The following ERBB4 variants were observed in gnomAD, a reference collection of about 807,000 sequenced individuals.
The protein encoded by ERBB4 is erb-b2 receptor tyrosine kinase 4.
In ERBB4, 42 loss-of-function variants were observed where a neutral mutation model predicts 158.0. The observed-to-expected ratio is 0.27, with a 90% CI of 0.21 to 0.34. The LOEUF is 0.34. ERBB4 is among the 10% of genes least tolerant of loss of function. ERBB4 has a pLI of 1.00. For synonymous variants in ERBB4, 583 were observed against 558.7 expected (o/e 1.04, Z -0.61); for missense variants, 1,333 against 1,624.1 (o/e 0.82, Z 3.08).
chr2:211,654,095 G>T (rs1161900062), intron 16 of ERBB4, among the ~76,000 whole-genome samples: 2 of 152,154 alleles, frequency 1.3e-5, no homozygotes, highest in Admixed American at 1.3e-4. Flanking sequence ...TTAGCGCTCT[G>T]CTTTCAGTGA....
intron 3 of ERBB4, among the ~76,000 whole-genome samples, chr2:211,936,763 T>C (rs149940885): frequency 2.2e-4 from 33 of 152,214 alleles, no homozygotes; most frequent in African/African-American, 7.7e-4. Flanking sequence ...CTTTTCCCCG[T>C]AGAAGTGATA....
At chr2:211,591,815 A>C (rs1194039374) in intron 19 of ERBB4, among the ~76,000 whole-genome samples, 2 of 152,200 alleles carry the variant, frequency 1.3e-5, no homozygotes, top group Non-Finnish European at 2.9e-5. Context: ...TCCTGCCTGA[A>C]ATATAAAAAC....
chr2:211,596,200 C>T (rs1212893014), intron 19 of ERBB4, among the ~76,000 whole-genome samples: 2 of 150,864 alleles, frequency 1.3e-5, no homozygotes, highest in African/African-American at 4.9e-5. Flanking sequence ...GATGTTAATG[C>T]AATTATAGAC....
intron 20 of ERBB4, among the ~76,000 whole-genome samples, chr2:211,500,656 G>A (rs1457690218): frequency 6.6e-6 from 1 of 152,010 alleles, no homozygotes; most frequent in Middle Eastern, 3.2e-3. Flanking sequence ...CACAGTTGTT[G>A]AGAATAAGAA....
chr2:211,384,752 G>T (rs1328480933), intron 27 of ERBB4, among the ~76,000 whole-genome samples: 1 of 151,936 alleles, frequency 6.6e-6, no homozygotes, highest in African/African-American at 2.4e-5. Flanking sequence ...TATTTCCATT[G>T]ACCAATCATA....
chr2:212,032,830 G>C (rs1227920800), intron 2 of ERBB4, among the ~76,000 whole-genome samples: 1 of 151,638 alleles, frequency 6.6e-6, no homozygotes, highest in Non-Finnish European at 1.5e-5. Flanking sequence ...GAAATTATAG[G>C]AAGAAATATT....
intron 1 of ERBB4, among the ~76,000 whole-genome samples, chr2:212,476,121 A>C (rs1376903860): frequency 6.7e-6 from 1 of 149,522 alleles, no homozygotes; most frequent in Admixed American, 6.7e-5. Context: ...TCCCCACCAA[A>C]CACACATACA....
At chr2:211,577,343 A>T (rs1439017043) in intron 19 of ERBB4, among the ~76,000 whole-genome samples, 1 of 152,160 alleles carries the variant, frequency 6.6e-6, no homozygotes, top group Non-Finnish European at 1.5e-5. Flanking sequence ...TATTGTAAGC[A>T]AAATGGGGAT....
At chr2:211,889,511 C>T (rs550457846) in intron 3 of ERBB4, among the ~76,000 whole-genome samples, 11 of 151,910 alleles carry the variant, frequency 7.2e-5, no homozygotes, top group African/African-American at 9.7e-5. Flanking sequence ...TCCAAAGGAA[C>T]GCAGCTCCTC....
intron 2 of ERBB4, among the ~76,000 whole-genome samples, chr2:212,122,482 A>T (rs1263776992): frequency 6.6e-6 from 1 of 152,162 alleles, no homozygotes; most frequent in Non-Finnish European, 1.5e-5. Flanking sequence ...GGATTAGTAC[A>T]AAGTTTAGAT....
chr2:212,036,135 C>T (rs2077006097), intron 2 of ERBB4, among the ~76,000 whole-genome samples: 1 of 152,092 alleles, frequency 6.6e-6, no homozygotes, highest in African/African-American at 2.4e-5. Context: ...GGATGAGTCA[C>T]CTTTATCAAC....
At chr2:211,408,602 T>C (rs900819156) in intron 25 of ERBB4, among the ~76,000 whole-genome samples, 2 of 152,198 alleles carry the variant, frequency 1.3e-5, no homozygotes, top group African/African-American at 4.8e-5. Context: ...TGTAGAAACA[T>C]GTTTGGCAGC....
intron 1 of ERBB4, among the ~76,000 whole-genome samples, chr2:212,132,206 A>G (rs918935902): frequency 3.3e-5 from 5 of 152,196 alleles, no homozygotes; most frequent in Non-Finnish European, 7.3e-5. Context: ...GGTTATAGGC[A>G]TAATAGTTGT....
Position 211,376,953 on chromosome 2 carries a change from C to T in ERBB4, c.*6662G>A, listed in dbSNP as rs1405926172. On this transcript the variant is annotated 3_prime_UTR_variant, in exon 28 of 28. Transcript: ENST00000342788. ...TCACACAGCTGCTCCGTTTAATAAT[C>T]GACCCATTTAACAGCAGTACCAGTT... The T allele has an allele frequency of 4.3e-5, 10 of 233,158 alleles. No individual in the cohort carries two copies. The highest frequency in any genetic ancestry group is 1.2e-3 in the Middle Eastern group (1 of 808). 14.4% of individuals were successfully genotyped at this position (233,158 alleles called of 1,614,324 possible). A position where few individuals can be genotyped will look rare whatever the true frequency, so the allele number is the denominator to read the frequency against.
chr2:211,875,854 T>A (rs2078485376), intron 3 of ERBB4, among the ~76,000 whole-genome samples: 2 of 152,216 alleles, frequency 1.3e-5, no homozygotes, highest in South Asian at 4.1e-4. Flanking sequence ...TACATTTTGT[T>A]ACAATTGCTT....
At chr2:212,102,036 C>A (rs765074665) in intron 2 of ERBB4, among the ~76,000 whole-genome samples, 1 of 142,244 alleles carries the variant, frequency 7.0e-6, no homozygotes, top group Non-Finnish European at 1.5e-5. Flanking sequence ...TTCCCTTGAA[C>A]TTGTCCTTAT....
chr2:211,864,624 A>C (rs576393071), intron 3 of ERBB4, among the ~76,000 whole-genome samples: 52 of 152,220 alleles, frequency 3.4e-4, no homozygotes, highest in Non-Finnish European at 6.0e-4. Flanking sequence ...ATAATCATAC[A>C]TACAGTGAAT....
intron 3 of ERBB4, among the ~76,000 whole-genome samples, chr2:211,810,771 C>T (rs1371333237): frequency 6.9e-6 from 1 of 145,730 alleles, no homozygotes; most frequent in Non-Finnish European, 1.5e-5. Context: ...TTCCCGGGTT[C>T]ACGCCATTCT....
intron 3 of ERBB4, among the ~76,000 whole-genome samples, chr2:211,901,173 A>C (rs1165001952): frequency 2.0e-5 from 3 of 152,160 alleles, no homozygotes; most frequent in Non-Finnish European, 1.5e-5. Context: ...CTTGATGCCA[A>C]AAACCCAGAG....
Sources: gnomAD v4.1 joint callset for allele counts (sites outside exome capture counted in the v4.1 genomes callset) on GRCh38, gnomAD v4.1.1 for gene constraint, MANE v1.5 for transcripts, NCBI Gene and HGNC (gene_info 2026-07-23, HGNC 2026-07-21) for gene names.